Variants in U2SURP observed in about 807,000 individuals in gnomAD.
The protein encoded by U2SURP is U2 snRNP associated SURP domain containing.
U2SURP carries 9 observed loss-of-function variants against 144.9 expected under a neutral mutation model. The observed-to-expected ratio is 0.06, with a 90% CI of 0.04 to 0.11. U2SURP has a LOEUF of 0.11. Among genes scored for constraint, U2SURP ranks in the 10% least tolerant of loss-of-function variants. The pLI is 1.00. For missense variants in U2SURP, 724 were observed against 1,226.7 expected, an observed-to-expected ratio of 0.59 and a Z score of 6.12; for synonymous variants, 408 against 396.8, an observed-to-expected ratio of 1.03 and a Z score of -0.33.
In U2SURP at chr3:143,055,125, T is replaced by C. The variant is rs778429550; in HGVS notation, c.2951+6T>C. 7 of 1,569,070 alleles carry C rather than the reference T, an allele frequency of 4.5e-6. No homozygotes were observed. The highest frequency in any genetic ancestry group is 6.0e-6 in the Non-Finnish European group (7 of 1,163,190). On this transcript the variant is annotated splice_donor_region_variant and intron_variant, in intron 27 of 27. Coordinates refer to ENST00000473835, the MANE Select transcript of U2SURP (RefSeq NM_001080415.2). ...GTTAGCAAAAAAGCCAAAAGGTAAA[T>C]GCAAGTCATTTTTGCTAATATTTCA...
At chr3:143,022,324 T>C (rs1198565857) in intron 10 of U2SURP, among the ~76,000 whole-genome samples, 173 bp from the exon 11 acceptor site, 2 of 152,208 alleles carry the variant, frequency 1.3e-5, no homozygotes, top group Non-Finnish European at 2.9e-5. Flanking sequence ...TATGAAATGA[T>C]TTATGAATGC....
chr3:143,033,058 T>C (rs1933595412), intron 17 of U2SURP, 112 bp downstream of exon 17: 1 of 1,247,670 alleles, frequency 8.0e-7, no homozygotes. Flanking sequence ...CATGCAGTCT[T>C]ATGTTATTTC....
intron 3 of U2SURP, 80 bp from the exon 4 acceptor site, chr3:143,014,231 C>A: frequency 1.1e-6 from 1 of 878,388 alleles, no homozygotes; most frequent in Non-Finnish European, 1.7e-6. Flanking sequence ...ATTCTGAAGA[C>A]TTAGTTATCA....
At chr3:143,035,708 A>T (rs144650903) in intron 19 of U2SURP, among the ~76,000 whole-genome samples, 1 of 152,126 alleles carries the variant, frequency 6.6e-6, no homozygotes, top group Non-Finnish European at 1.5e-5. Context: ...GGGTAGTACT[A>T]ATGGTATGGG....
chr3:143,050,661 G>C (rs146467143), intron 24 of U2SURP, among the ~76,000 whole-genome samples: 81 of 152,266 alleles, frequency 5.3e-4, no homozygotes, highest in Non-Finnish European at 9.7e-4. Flanking sequence ...TGGGGAACCA[G>C]ATACCAAATT....
intron 12 of U2SURP, 87 bp downstream of exon 12, chr3:143,023,151 A>G: frequency 8.3e-7 from 1 of 1,210,722 alleles, no homozygotes; most frequent in Non-Finnish European, 1.1e-6. Context: ...TTTATAGAAA[A>G]TGTGTGTGTA....
chr3:143,053,655 A>G (rs1188451944), intron 25 of U2SURP, 21 bp from the exon 26 acceptor site: 1 of 1,231,880 alleles, frequency 8.1e-7, no homozygotes, highest in East Asian at 2.5e-5. Flanking sequence ...ACAACTTAAT[A>G]TTTTCTATAA....
chr3:143,020,504 T>C, intron 7 of U2SURP, 95 bp from the exon 8 acceptor site: 3 of 805,080 alleles, frequency 3.7e-6, no homozygotes, highest in Non-Finnish European at 6.2e-6. Context: ...CAGATATTTC[T>C]AGTTATTTGA....
At chr3:143,022,765 A>G in intron 11 of U2SURP, 88 bp from the exon 12 acceptor site, 1 of 1,463,570 alleles carries the variant, frequency 6.8e-7, no homozygotes, top group Non-Finnish European at 9.1e-7. Flanking sequence ...TGGAGAGGTT[A>G]AAATGAAAAT....
intron 1 of U2SURP, among the ~76,000 whole-genome samples, chr3:143,004,087 T>A (rs60356687): frequency 0.33 from 50,034 of 152,118 alleles, 8,586 homozygotes; most frequent in Non-Finnish European, 0.38. Context: ...TAGCCTTTGA[T>A]ATCTGGTTTG....
chr3:143,038,520 A>G (rs904295978), intron 22 of U2SURP, among the ~76,000 whole-genome samples: 2 of 152,002 alleles, frequency 1.3e-5, no homozygotes, highest in African/African-American at 4.8e-5. Context: ...TTTCATAGAA[A>G]CCAAGCTTTG....
At chr3:143,054,139 A>G (rs953855889) in intron 26 of U2SURP, among the ~76,000 whole-genome samples, 2 of 152,236 alleles carry the variant, frequency 1.3e-5, no homozygotes, top group African/African-American at 2.4e-5. Context: ...ATTTTCCAGT[A>G]TCTGTGCTGA....
chr3:143,024,470 C>G, intron 13 of U2SURP: 1 of 432,248 alleles, frequency 2.3e-6, no homozygotes, highest in South Asian at 1.7e-5. Flanking sequence ...TTTGTTTTTT[C>G]AATTGATTTT....
intron 24 of U2SURP, among the ~76,000 whole-genome samples, chr3:143,047,227 T>C (rs1269352): frequency 0.017 from 259 of 15,444 alleles, 3 homozygotes; most frequent in Middle Eastern, 0.056. Flanking sequence ...GGGGGGCTGA[T>C]CCCCCCACCT....
chr3:143,004,574 C>CT (rs1491267667), intron 1 of U2SURP, among the ~76,000 whole-genome samples: 1 of 37,666 alleles, frequency 2.7e-5, no homozygotes, highest in Non-Finnish European at 5.9e-5. Flanking sequence ...GACCTTGTGA[C>CT]CCCCCCCCCC....
In U2SURP at chr3:143,057,936, G is replaced by C. The variant is rs75845909; in HGVS notation, c.*1486G>C. ...GCACACCTACAGTAGCTTTGGAAAT[G>C]AGCCAATCACTGTTTTACTTAATGG... On this transcript the variant is annotated 3_prime_UTR_variant, in exon 28 of 28. Coordinates refer to ENST00000473835, the MANE Select transcript of U2SURP (RefSeq NM_001080415.2). 983 of 152,492 alleles carry C rather than the reference G, an allele frequency of 6.4e-3. 9 individuals are homozygous for C. Among genetic ancestry groups the C allele is most frequent in the African/African-American group, 0.022 (931 of 41,540 alleles). The allele number at this position is 152,492 out of a possible 1,614,324, so 9.4% of individuals were successfully genotyped here. A position where few individuals can be genotyped will look rare whatever the true frequency, so the allele number is the denominator to read the frequency against.
chr3:143,060,496 TTTG>T lies in U2SURP; in HGVS notation c.*4052_*4054del, dbSNP rs1935327959. The T allele has an allele frequency of 6.6e-6, 1 of 152,068 alleles. No individual in the cohort carries two copies. Among genetic ancestry groups the T allele is most frequent in the East Asian group, 1.9e-4 (1 of 5,188 alleles). 9.4% of individuals were successfully genotyped at this position (152,068 alleles called of 1,614,324 possible). On this transcript the variant is annotated 3_prime_UTR_variant, in exon 28 of 28. Coordinates refer to ENST00000473835, the MANE Select transcript of U2SURP (RefSeq NM_001080415.2). ...CAAACAAAGGTTGTGAAATTTCCCT[TTTG>T]TTGTTTTTGACTTTTAATTAATAAA... is the stretch of plus-strand genomic sequence containing the variant.
At chr3:143,008,381 G>C (rs1246602069) in intron 1 of U2SURP, among the ~76,000 whole-genome samples, 1 of 152,214 alleles carries the variant, frequency 6.6e-6, no homozygotes, top group African/African-American at 2.4e-5. Context: ...CTACAGAAAG[G>C]GTAGCGCTTT....
chr3:143,038,220 T>G lies in U2SURP; in HGVS notation c.2317+17T>G, dbSNP rs1430343608. Reference sequence around the variant, plus strand: ...AAGCACAGGGTGAGTAAAAGTAAAATAAATATTTTTTAAATTAAGTACTTG... The same window carrying G: ...AAGCACAGGGTGAGTAAAAGTAAAAGAAATATTTTTTAAATTAAGTACTTG... On this transcript the variant is annotated intron_variant, in intron 22 of 27. Coordinates refer to ENST00000473835, the MANE Select transcript of U2SURP (RefSeq NM_001080415.2). The G allele has an allele frequency of 6.5e-7, 1 of 1,544,802 alleles. No individual in the cohort carries two copies. Among genetic ancestry groups the G allele is most frequent in the East Asian group, 2.4e-5 (1 of 42,542 alleles).
Sources: allele counts gnomAD v4.1 joint callset (sites outside exome capture counted in the v4.1 genomes callset), GRCh38; gene constraint gnomAD v4.1.1; transcripts MANE v1.5; gene names NCBI Gene and HGNC (gene_info 2026-07-23, HGNC 2026-07-21).